The following PIK3C2G variants were observed in gnomAD, a reference collection of about 807,000 sequenced individuals.
The protein encoded by PIK3C2G is phosphatidylinositol-4-phosphate 3-kinase catalytic subunit type 2 gamma, also known as phosphatidylinositol 3-kinase C2 domain-containing subunit gamma.
PIK3C2G carries 168 observed loss-of-function variants against 181.1 expected under a neutral mutation model. The ratio of observed to expected loss-of-function variants is 0.93; its 90% CI spans 0.82 to 1.05. The LOEUF (loss-of-function observed/expected upper bound fraction) is 1.05, where lower values mean the gene tolerates loss of function less well. PIK3C2G is among the 50% of genes least tolerant of loss of function. PIK3C2G has a pLI of 0.00. For synonymous variants in PIK3C2G, 573 were observed against 592.2 expected, an observed-to-expected ratio of 0.97 and a Z score of 0.47; for missense variants, 1,869 against 1,732.8, an observed-to-expected ratio of 1.08 and a Z score of -1.40.
intron 31 of PIK3C2G, among the ~76,000 whole-genome samples, chr12:18,613,710 C>G (rs946353884): frequency 2.6e-5 from 4 of 152,002 alleles, no homozygotes; most frequent in Admixed American, 2.6e-4. Context: ...TTCCTCTCTC[C>G]TGCTGCATAA....
At chr12:18,654,294 T>TAA in the PIK3C2G span, among the ~76,000 whole-genome samples, 90 of 142,712 alleles carry the variant, frequency 6.3e-4, 1 homozygote, top group South Asian at 6.6e-3. Flanking sequence ...CACTAGTACC[T>TAA]AAAAAAAAAA....
In PIK3C2G at chr12:18,371,282, G is replaced by C. The variant is rs183012585; in HGVS notation, c.1851G>C (p.Ala617=). Residue 617 remains alanine, a synonymous_variant, in exon 13 of 33, where the codon GCG becomes GCC. Transcript: ENST00000538779. ...ACATNNANLL[A]WTCLPLFPKE... ...CAACCAACAATGCAAATTTACTGGCGTGGACTTGTCTTCCACTGTTTCCAA... is the reference window on the plus strand; with the variant it reads ...CAACCAACAATGCAAATTTACTGGCCTGGACTTGTCTTCCACTGTTTCCAA... The C allele has an allele frequency of 1.2e-6, 2 of 1,611,072 alleles. No homozygotes were observed. Among genetic ancestry groups the C allele is most frequent in the African/African-American group, 1.3e-5 (1 of 74,854 alleles).
At chr12:18,361,713 G>A (rs1297187165) in intron 11 of PIK3C2G, among the ~76,000 whole-genome samples, 1 of 152,112 alleles carries the variant, frequency 6.6e-6, no homozygotes, top group East Asian at 1.9e-4. Context: ...CTGTGGTACT[G>A]CAGGTTCTCT....
chr12:18,712,612 C>G, the PIK3C2G span, among the ~76,000 whole-genome samples: 1 of 152,060 alleles, frequency 6.6e-6, no homozygotes, highest in Non-Finnish European at 1.5e-5. Context: ...CACACACACA[C>G]GAGTAAACAA....
intron 24 of PIK3C2G, among the ~76,000 whole-genome samples, chr12:18,537,142 T>C (rs1355460735): frequency 2.0e-5 from 3 of 152,104 alleles, no homozygotes; most frequent in Admixed American, 2.0e-4. Context: ...AAGGTCTCAT[T>C]AACTGTCAGA....
chr12:18,327,764 C>T (rs372963183), intron 8 of PIK3C2G, among the ~76,000 whole-genome samples: 1 of 151,888 alleles, frequency 6.6e-6, no homozygotes, highest in East Asian at 1.9e-4. Context: ...ATCCTCCCCC[C>T]CAAGGTATCA....
chr12:18,591,731 A>G (rs1947090145), intron 29 of PIK3C2G, among the ~76,000 whole-genome samples: 1 of 151,910 alleles, frequency 6.6e-6, no homozygotes, highest in Admixed American at 6.6e-5. Context: ...ACAGGTTTTA[A>G]GCAGTTAATT....
At chr12:18,503,627 G>C (rs1941645637) in intron 23 of PIK3C2G, among the ~76,000 whole-genome samples, 1 of 151,956 alleles carries the variant, frequency 6.6e-6, no homozygotes, top group South Asian at 2.1e-4. Context: ...TGAAATTCCT[G>C]GTTATCAATA....
the PIK3C2G span, among the ~76,000 whole-genome samples, chr12:18,664,317 G>T: frequency 6.6e-6 from 1 of 152,110 alleles, no homozygotes; most frequent in East Asian, 1.9e-4. Flanking sequence ...AAATATATTT[G>T]TACATCCATG....
At chr12:18,340,166 C>A (rs1938993420) in intron 9 of PIK3C2G, among the ~76,000 whole-genome samples, 1 of 152,032 alleles carries the variant, frequency 6.6e-6, no homozygotes, top group Non-Finnish European at 1.5e-5. Context: ...TATTCTGCTT[C>A]AGAGTGAAAA....
intron 5 of PIK3C2G, among the ~76,000 whole-genome samples, chr12:18,303,859 T>C (rs1019714623): frequency 2.0e-5 from 3 of 152,140 alleles, no homozygotes; most frequent in African/African-American, 7.2e-5. Context: ...AAATTTTATA[T>C]GTTTGATTTA....
At chr12:18,669,641 G>A in the PIK3C2G span, among the ~76,000 whole-genome samples, 1 of 151,738 alleles carries the variant, frequency 6.6e-6, no homozygotes, top group Non-Finnish European at 1.5e-5. Context: ...GGCAGAGAGA[G>A]GAAGCTCTGG....
At chr12:18,666,296 A>G in the PIK3C2G span, among the ~76,000 whole-genome samples, 1 of 152,052 alleles carries the variant, frequency 6.6e-6, no homozygotes, top group Non-Finnish European at 1.5e-5. Context: ...TAAAGGGCAT[A>G]TTTGGCAAAA....
At chr12:18,608,056 ATGTGGAGG>A (rs1948138163) in intron 30 of PIK3C2G, among the ~76,000 whole-genome samples, 2 of 106,792 alleles carry the variant, frequency 1.9e-5, no homozygotes, top group Admixed American at 1.8e-4. Context: ...AAACAACAGG[ATGTGGAGG>A]ATGTGGAGGA....
intron 14 of PIK3C2G, 76 bp downstream of exon 14, chr12:18,381,956 A>G: frequency 3.4e-6 from 3 of 892,254 alleles, no homozygotes; most frequent in Non-Finnish European, 5.7e-6. Flanking sequence ...AATTATAGAA[A>G]CAATTTCTTC....
At chr12:18,628,387 G>T (rs1949195150) in intron 31 of PIK3C2G, among the ~76,000 whole-genome samples, 1 of 151,988 alleles carries the variant, frequency 6.6e-6, no homozygotes, top group African/African-American at 2.4e-5. Context: ...ACATGCTACT[G>T]CTTTTTTTCT....
At chr12:18,445,735 T>G (rs1478461084) in intron 18 of PIK3C2G, among the ~76,000 whole-genome samples, 1 of 152,086 alleles carries the variant, frequency 6.6e-6, no homozygotes, top group Non-Finnish European at 1.5e-5. Flanking sequence ...AAAATCTTAT[T>G]TACTTTAGAA....
At chr12:18,622,592 T>C (rs1036267099) in intron 31 of PIK3C2G, among the ~76,000 whole-genome samples, 9 of 151,914 alleles carry the variant, frequency 5.9e-5, no homozygotes, top group African/African-American at 1.7e-4. Context: ...GTTGCTGGCT[T>C]ATATGGCAAT....
In PIK3C2G at chr12:18,580,003, C is replaced by T. The variant is rs113165318; in HGVS notation, c.4011+12946C>T. Among the ~76,000 whole-genome samples, 794 of 151,874 alleles carry T rather than the reference C, an allele frequency of 5.2e-3. 6 individuals are homozygous for T. Among genetic ancestry groups the T allele is most frequent in the African/African-American group, 0.016 (682 of 41,438 alleles). ...CAAAAATTAGCCAGGCGTGGTGGCG[C>T]GCACCTGTAGTCCCAGCTACTTGGG... On this transcript the variant is annotated intron_variant, in intron 29 of 32. Transcript: ENST00000538779.
Sources: gnomAD v4.1 joint callset for allele counts (sites outside exome capture counted in the v4.1 genomes callset) on GRCh38, gnomAD v4.1.1 for gene constraint, MANE v1.5 for transcripts, NCBI Gene and HGNC (gene_info 2026-07-23, HGNC 2026-07-21) for gene names.